Variants in VSTM4 observed in about 807,000 individuals in gnomAD.
VSTM4 encodes the protein V-set and transmembrane domain-containing protein 4.
A neutral mutation model predicts 36.4 loss-of-function variants in VSTM4; 20 were observed. The observed-to-expected ratio is 0.55, with a 90% CI of 0.39 to 0.80. The LOEUF is 0.80. VSTM4 is among the 30% of genes least tolerant of loss of function. The pLI is 0.00. For missense variants in VSTM4, 392 were observed against 404.5 expected (o/e 0.97, Z 0.26); for synonymous variants, 182 against 173.9 (o/e 1.05, Z -0.37).
chr10:49,105,352 G>T (rs1844760875), intron 2 of VSTM4, among the ~76,000 whole-genome samples: 1 of 150,288 alleles, frequency 6.7e-6, no homozygotes, highest in African/African-American at 2.5e-5. Context: ...GACAGAGAGA[G>T]ATATACCAAG....
Position 49,108,004 on chromosome 10 carries a change from A to C in VSTM4, c.56-9T>G. The C allele has an allele frequency of 3.9e-6, 6 of 1,550,394 alleles. No individual in the cohort carries two copies. Among genetic ancestry groups the C allele is most frequent in the Non-Finnish European group, 5.2e-6 (6 of 1,144,492 alleles). ...GAGGGCCGCACAGACCTCTGCAGAG[A>C]AAAAGGGGAGAAGAGAGGATGAGGA... On this transcript the variant is annotated splice_polypyrimidine_tract_variant and intron_variant, in intron 1 of 7. Coordinates refer to ENST00000332853, the MANE Select transcript of VSTM4 (RefSeq NM_001031746.5).
chr10:49,103,717 G>GC (rs1844711118), intron 2 of VSTM4: 2 of 1,610,964 alleles, frequency 1.2e-6, no homozygotes, highest in African/African-American at 2.7e-5. Context: ...AGTTTCCAGT[G>GC]AAAGACAAGC....
At chr10:49,046,461 C>A (rs771436169) in intron 7 of VSTM4, among the ~76,000 whole-genome samples, 1 of 152,150 alleles carries the variant, frequency 6.6e-6, no homozygotes, top group Non-Finnish European at 1.5e-5. Context: ...TGGTTAAGCC[C>A]GAAGTGTAGT....
chr10:49,100,187 A>C (rs1208522060), intron 2 of VSTM4, among the ~76,000 whole-genome samples: 1 of 152,196 alleles, frequency 6.6e-6, no homozygotes, highest in Non-Finnish European at 1.5e-5. Context: ...GACAGTCTCT[A>C]AGGGTAGCTG....
intron 3 of VSTM4, among the ~76,000 whole-genome samples, chr10:49,082,743 C>T (rs1407953968): frequency 1.3e-5 from 2 of 152,224 alleles, no homozygotes; most frequent in Admixed American, 6.5e-5. Flanking sequence ...AATCATGTTA[C>T]ATTCCCTTTC....
At chr10:49,042,517 G>A (rs1843537179) in intron 7 of VSTM4, among the ~76,000 whole-genome samples, 1 of 152,216 alleles carries the variant, frequency 6.6e-6, no homozygotes, top group Non-Finnish European at 1.5e-5. Context: ...ACTCCGCACT[G>A]AGGCAAAGCT....
At chr10:49,064,657 A>C (rs755900968) in intron 5 of VSTM4, 46 bp downstream of exon 5, 2 of 1,583,070 alleles carry the variant, frequency 1.3e-6, no homozygotes. Context: ...AAAGAAAGTT[A>C]AATGGCAAAG....
At chr10:49,035,680 A>AAAG (rs1590074406) in intron 7 of VSTM4, among the ~76,000 whole-genome samples, 1 of 150,954 alleles carries the variant, frequency 6.6e-6, no homozygotes. Flanking sequence ...AAAAAAAAAA[A>AAAG]AAAAAAAAAA....
chr10:49,059,561 G>C (rs371869287), intron 5 of VSTM4, among the ~76,000 whole-genome samples: 1 of 152,084 alleles, frequency 6.6e-6, no homozygotes, highest in African/African-American at 2.4e-5. Flanking sequence ...GACACAAAAG[G>C]CCAGACAAAA....
intron 5 of VSTM4, among the ~76,000 whole-genome samples, chr10:49,055,836 G>GT (rs1213826044): frequency 6.6e-6 from 1 of 152,240 alleles, no homozygotes; most frequent in Non-Finnish European, 1.5e-5. Context: ...CTAGTGCACA[G>GT]TAAGTGCCTA....
intron 2 of VSTM4, chr10:49,103,221 T>C (rs1314320592): frequency 3.9e-5 from 6 of 152,476 alleles, no homozygotes; most frequent in African/African-American, 1.4e-4. Flanking sequence ...GGAAGCTAAA[T>C]TGAGGTCCAC....
rs143234211 is a variant in VSTM4 at position 49,083,659 on chromosome 10, T to C, written c.526+2296A>G. ...AGCACATACTGGGCTACAGATTTCA[T>C]GTAGAGAGTTAGGTCGGGAGTAACC... On this transcript the variant is annotated intron_variant, in intron 3 of 7. Transcript: ENST00000332853. Among the ~76,000 whole-genome samples, 21 of 152,338 alleles carry C rather than the reference T, an allele frequency of 1.4e-4. No homozygotes were observed. The East Asian group carries it at 2.3e-3, about 17-fold the overall frequency.
chr10:49,075,318 G>A (rs747786567), intron 4 of VSTM4, among the ~76,000 whole-genome samples: 38 of 152,258 alleles, frequency 2.5e-4, no homozygotes, highest in Middle Eastern at 3.4e-3. Context: ...AGGCAAAAGT[G>A]CCTTCAGAGC....
chr10:49,065,356 G>T (rs556941422), intron 4 of VSTM4, among the ~76,000 whole-genome samples: 3 of 152,332 alleles, frequency 2.0e-5, no homozygotes, highest in East Asian at 3.9e-4. Context: ...CCCTTGAATT[G>T]TGTGGTAGAT....
intron 2 of VSTM4, among the ~76,000 whole-genome samples, chr10:49,095,840 G>C (rs1336053716): frequency 1.3e-5 from 2 of 152,204 alleles, no homozygotes; most frequent in Admixed American, 6.5e-5. Context: ...TGGGGCCCCA[G>C]GAGGGCAGGC....
rs145294709 is a variant in VSTM4 at position 49,107,675 on chromosome 10, C to T, written c.376G>A (p.Val126Ile). ...TLQPSDQGHY[V>I]CRVQEISRHR... The stretch of plus-strand genomic sequence containing the variant: ...CTGCTGATTTCCTGGACTCTGCAGA[C>T]GTAATGCCCTTGATCGGAGGGCTGC... Residue 126 changes from valine (V) to isoleucine (I), a missense_variant, in exon 2 of 8, where the codon GTC becomes ATC. Val to Ile is a conservative substitution (Grantham distance 29). Transcript: ENST00000332853. The T allele has an allele frequency of 1.4e-4, 218 of 1,614,206 alleles. No individual in the cohort carries two copies. In the African/African-American group the frequency reaches 2.3e-3, roughly 17 times the overall value.
intron 2 of VSTM4, among the ~76,000 whole-genome samples, chr10:49,095,338 C>A (rs1336248210): frequency 6.6e-6 from 1 of 152,088 alleles, no homozygotes; most frequent in African/African-American, 2.4e-5. Flanking sequence ...CACTCATTCA[C>A]TCCTCCATCT....
At chr10:49,032,968 T>C (rs891441684) in intron 7 of VSTM4, among the ~76,000 whole-genome samples, 7 of 146,304 alleles carry the variant, frequency 4.8e-5, no homozygotes, top group Admixed American at 3.4e-4. Context: ...GAGAATAAAA[T>C]AGAAAAATAC....
In VSTM4 at chr10:49,107,586, A is replaced by T; in HGVS notation, c.457+8T>A. On this transcript the variant is annotated splice_region_variant and intron_variant, in intron 2 of 7. Coordinates refer to ENST00000332853, the MANE Select transcript of VSTM4 (RefSeq NM_001031746.5). Reference sequence around the variant, plus strand: ...ACCACCTCTACCCAGGGAGACCAAGACCCTCACCTCTCATTTCCGTGGCTG... The same window carrying T: ...ACCACCTCTACCCAGGGAGACCAAGTCCCTCACCTCTCATTTCCGTGGCTG... 6.3e-7 allele frequency: 1 copy of T among 1,596,618 alleles called. No individual in the cohort carries two copies. The highest frequency in any genetic ancestry group is 8.6e-7 in the Non-Finnish European group (1 of 1,168,634).
Sources: gnomAD v4.1 joint callset for allele counts (sites outside exome capture counted in the v4.1 genomes callset) on GRCh38, gnomAD v4.1.1 for gene constraint, MANE v1.5 for transcripts, NCBI Gene and HGNC (gene_info 2026-07-23, HGNC 2026-07-21) for gene names.